Variants in TMEM200A observed in about 807,000 individuals in gnomAD.
TMEM200A encodes two transmembrane C.
In TMEM200A, 12 loss-of-function variants were observed where a neutral mutation model predicts 24.3. The ratio of observed to expected loss-of-function variants is 0.49; its 90% CI spans 0.32 to 0.80. The LOEUF (loss-of-function observed/expected upper bound fraction) is 0.80, where lower values mean the gene tolerates loss of function less well. Ranked by LOEUF, TMEM200A falls within the 30% of genes least tolerant of loss-of-function variation. The pLI is 0.04. For missense variants in TMEM200A, 545 were observed against 614.4 expected (o/e 0.89, Z 1.19); for synonymous variants, 224 against 224.4 (o/e 1.00, Z 0.02).
At chr6:130,400,833 A>G (rs1198629656) in intron 2 of TMEM200A, among the ~76,000 whole-genome samples, 2 of 152,008 alleles carry the variant, frequency 1.3e-5, no homozygotes, top group Non-Finnish European at 2.9e-5. Flanking sequence ...CACAGACTCT[A>G]TTCTAGGGTT....
At chr6:130,396,008 G>A (rs1001582122) in intron 2 of TMEM200A, among the ~76,000 whole-genome samples, 11 of 152,098 alleles carry the variant, frequency 7.2e-5, no homozygotes, top group African/African-American at 2.7e-4. Context: ...GATACTTGAT[G>A]TTGGAATCAT....
intron 2 of TMEM200A, among the ~76,000 whole-genome samples, chr6:130,422,355 G>A (rs564939294): frequency 1.3e-5 from 2 of 152,076 alleles, no homozygotes; most frequent in East Asian, 1.9e-4. Context: ...TGCAACTTCC[G>A]CCTCCGGGGT....
intron 1 of TMEM200A, among the ~76,000 whole-genome samples, chr6:130,368,104 AT>A (rs1778227946): frequency 6.6e-6 from 1 of 152,188 alleles, no homozygotes; most frequent in Non-Finnish European, 1.5e-5. Flanking sequence ...TGTACTTGTT[AT>A]TTTAACTTAG....
At chr6:130,403,030 A>T (rs1156528614) in intron 2 of TMEM200A, among the ~76,000 whole-genome samples, 2 of 152,072 alleles carry the variant, frequency 1.3e-5, no homozygotes, top group Non-Finnish European at 2.9e-5. Context: ...CCTCAGTGGC[A>T]TAATTTCATA....
intron 1 of TMEM200A, among the ~76,000 whole-genome samples, chr6:130,376,587 ATC>A (rs1319445794): frequency 6.6e-6 from 1 of 152,230 alleles, no homozygotes; most frequent in African/African-American, 2.4e-5. Flanking sequence ...ACCCAGCAAA[ATC>A]ACACAAAACA....
At chr6:130,385,691 G>T (rs577973602) in intron 2 of TMEM200A, among the ~76,000 whole-genome samples, 1 of 151,942 alleles carries the variant, frequency 6.6e-6, no homozygotes, top group South Asian at 2.1e-4. Context: ...TGGAATAAAA[G>T]GAGGTTTATA....
In TMEM200A at chr6:130,440,575, T is replaced by C. The variant is rs1780135695; in HGVS notation, c.153T>C (p.Val51=). 1 of 1,613,986 alleles carries C rather than the reference T, an allele frequency of 6.2e-7. No individual in the cohort carries two copies. Among genetic ancestry groups the C allele is most frequent in the African/African-American group, 1.3e-5 (1 of 74,914 alleles). ...RRRPRADVVV[V]RGKIRLYSPS... ...GGCCCCGGGCAGATGTTGTGGTTGTTCGTGGCAAAATCCGGCTTTATTCCC... is the reference window on the plus strand; with the variant it reads ...GGCCCCGGGCAGATGTTGTGGTTGTCCGTGGCAAAATCCGGCTTTATTCCC... The change falls in exon 3 of 3, where the codon GTT becomes GTC. Residue 51 remains valine, a synonymous_variant. Transcript: ENST00000296978.
Position 130,440,846 on chromosome 6 carries a change from T to A in TMEM200A, c.424T>A (p.Cys142Ser). The A allele has an allele frequency of 6.2e-7, 1 of 1,614,054 alleles. No individual in the cohort carries two copies. Among genetic ancestry groups the A allele is most frequent in the Non-Finnish European group, 8.5e-7 (1 of 1,179,956 alleles). ...GGGGATTGGCATTTTCATTTTCATT[T>A]GTGCTAATGCCATTCTTCATGAAAA... ...TMGIGIFIFI[C>S]ANAILHENRD... The change falls in exon 3 of 3, where the codon TGT (cysteine) becomes AGT (serine). Residue 142 changes from cysteine to serine, a missense_variant. Coordinates refer to ENST00000296978, the MANE Select transcript of TMEM200A (RefSeq NM_001258277.2).
intron 2 of TMEM200A, among the ~76,000 whole-genome samples, chr6:130,424,806 C>CTGAT (rs1415391436): frequency 6.6e-6 from 1 of 152,072 alleles, no homozygotes; most frequent in Non-Finnish European, 1.5e-5. Flanking sequence ...TTGGGAGTTG[C>CTGAT]TGATAGAAGG....
At chr6:130,367,681 T>TTA (rs1402309100) in intron 1 of TMEM200A, among the ~76,000 whole-genome samples, 8 of 152,220 alleles carry the variant, frequency 5.3e-5, no homozygotes, top group Non-Finnish European at 7.3e-5. Context: ...GTTTCATTCT[T>TTA]TATAAACACC....
At chr6:130,439,493 A>G (rs1352488259) in intron 2 of TMEM200A, 1 of 152,256 alleles carries the variant, frequency 6.6e-6, no homozygotes, top group African/African-American at 2.4e-5. Context: ...GTTCAGCTTT[A>G]CTAGCAGTAC....
rs151030078 is a variant in TMEM200A at position 130,391,378 on chromosome 6, C to G, written c.-17+6142C>G. 5.0e-3 allele frequency among the ~76,000 whole-genome samples: 760 copies of G among 152,284 alleles called. 9 individuals carry two copies. Among genetic ancestry groups the G allele is most frequent in the African/African-American group, 0.016 (655 of 41,558 alleles). ...TGCCACCACCTTCTCAGATCTTTCT[C>G]TTGCCTATGCCCCATCATTGATATA... On this transcript the variant is annotated intron_variant, in intron 2 of 2. Transcript: ENST00000296978.
At chr6:130,407,481 C>T (rs1232831335) in intron 2 of TMEM200A, among the ~76,000 whole-genome samples, 1 of 152,200 alleles carries the variant, frequency 6.6e-6, no homozygotes, top group Non-Finnish European at 1.5e-5. Flanking sequence ...AAATAACCAT[C>T]TAGATAATTC....
chr6:130,425,989 T>C (rs1396796920), intron 2 of TMEM200A, among the ~76,000 whole-genome samples: 1 of 152,180 alleles, frequency 6.6e-6, no homozygotes, highest in Non-Finnish European at 1.5e-5. Context: ...CAAAAACTCA[T>C]AACACTATTA....
intron 2 of TMEM200A, among the ~76,000 whole-genome samples, chr6:130,398,571 C>T (rs1419751964): frequency 1.3e-5 from 2 of 152,066 alleles, no homozygotes; most frequent in Non-Finnish European, 2.9e-5. Flanking sequence ...CTGCTTTCCA[C>T]AGTGGCTGAA....
intron 2 of TMEM200A, among the ~76,000 whole-genome samples, chr6:130,436,568 C>G (rs1780018426): frequency 6.9e-6 from 1 of 145,516 alleles, no homozygotes; most frequent in Admixed American, 7.0e-5. Context: ...TTTGAAGATG[C>G]AGAGCCTGTA....
rs552566930 is a variant in TMEM200A at position 130,441,270 on chromosome 6, C to T, written c.848C>T (p.Ser283Leu). 6.2e-6 allele frequency: 10 copies of T among 1,614,090 alleles called. No individual in the cohort carries two copies. In the South Asian group the frequency reaches 6.6e-5, roughly 11 times the overall value. ...KKCETKSIVS[S>L]SISAFTLPVI... Reference sequence around the variant, plus strand: ...TGTGAAACCAAGTCAATTGTGTCATCGTCCATCAGTGCTTTTACATTGCCT... The same window carrying T: ...TGTGAAACCAAGTCAATTGTGTCATTGTCCATCAGTGCTTTTACATTGCCT... The change falls in exon 3 of 3, where the codon TCG (serine) becomes TTG (leucine). Residue 283 changes from serine to leucine, a missense_variant. Coordinates refer to ENST00000296978, the MANE Select transcript of TMEM200A (RefSeq NM_001258277.2).
chr6:130,410,594 C>T (rs1779308017), intron 2 of TMEM200A, among the ~76,000 whole-genome samples: 1 of 152,086 alleles, frequency 6.6e-6, no homozygotes. Context: ...GTATTTAGAA[C>T]CCATGTACAA....
At chr6:130,415,477 A>ATCAGCT (rs1313309934) in intron 2 of TMEM200A, among the ~76,000 whole-genome samples, 1 of 152,186 alleles carries the variant, frequency 6.6e-6, no homozygotes, top group Non-Finnish European at 1.5e-5. Flanking sequence ...TGGTGAAGAA[A>ATCAGCT]TCAGCTCTAT....
Sources: allele counts gnomAD v4.1 joint callset (sites outside exome capture counted in the v4.1 genomes callset), GRCh38; gene constraint gnomAD v4.1.1; transcripts MANE v1.5; gene names NCBI Gene and HGNC (gene_info 2026-07-23, HGNC 2026-07-21).